The following ATXN7 variants were observed in gnomAD, a reference collection of about 807,000 sequenced individuals.
The protein encoded by ATXN7 is ataxin 7, also known as ataxin-7.
In ATXN7, 12 loss-of-function variants were observed where a neutral mutation model predicts 70.5. The observed-to-expected ratio is 0.17, with a 90% confidence interval of 0.11 to 0.28. ATXN7 has a LOEUF of 0.28. ATXN7 is among the 10% of genes least tolerant of loss of function. ATXN7 has a pLI of 1.00. For missense variants in ATXN7, 1,256 were observed against 1,131.7 expected (o/e 1.11, Z -1.58); for synonymous variants, 498 against 448.7 (o/e 1.11, Z -1.39).
intron 1 of ATXN7, among the ~76,000 whole-genome samples, chr3:63,875,667 T>A (rs962109169): frequency 6.6e-6 from 1 of 152,234 alleles, no homozygotes; most frequent in African/African-American, 2.4e-5. Context: ...CTTTGTGATG[T>A]AGTCACTCGT....
chr3:63,981,019 T>C (rs2075477316), intron 6 of ATXN7, among the ~76,000 whole-genome samples: 1 of 152,198 alleles, frequency 6.6e-6, no homozygotes, highest in African/African-American at 2.4e-5. Context: ...CGCCTTGTCA[T>C]GGCATCCCTC....
At chr3:63,946,486 A>G (rs1420847346) in intron 4 of ATXN7, among the ~76,000 whole-genome samples, 1 of 151,994 alleles carries the variant, frequency 6.6e-6, no homozygotes, top group African/African-American at 2.4e-5. Context: ...AAAAATACAA[A>G]AAGAAAATTA....
intron 5 of ATXN7, among the ~76,000 whole-genome samples, chr3:63,977,436 T>C (rs538003950): frequency 2.0e-5 from 3 of 152,340 alleles, no homozygotes; most frequent in African/African-American, 7.2e-5. Flanking sequence ...GTCAGAGTTC[T>C]AGTTGAGGGT....
chr3:63,998,665 T>G (rs1476190491), intron 12 of ATXN7: 9 of 985,288 alleles, frequency 9.1e-6, no homozygotes, highest in Non-Finnish European at 1.1e-5. Flanking sequence ...GGGTGCTTGC[T>G]TAGAGATCAA....
chr3:63,891,322 C>T (rs1050748037), intron 1 of ATXN7, among the ~76,000 whole-genome samples: 3 of 140,878 alleles, frequency 2.1e-5, no homozygotes, highest in Non-Finnish European at 3.1e-5. Context: ...GGCCCCAGCA[C>T]TTTTTTTTTT....
chr3:63,988,963 G>A (rs2075621707), intron 9 of ATXN7, among the ~76,000 whole-genome samples: 1 of 152,160 alleles, frequency 6.6e-6, no homozygotes, highest in South Asian at 2.1e-4. Context: ...AAAGAGAAAG[G>A]CATAGAGAAA....
chr3:63,884,471 AAT>A (rs1703020886), intron 1 of ATXN7, among the ~76,000 whole-genome samples: 1 of 152,138 alleles, frequency 6.6e-6, no homozygotes, highest in South Asian at 2.1e-4. Context: ...ATAAACAAAT[AAT>A]ATGTGATATA....
chr3:63,932,985 G>A (rs2074584883), intron 4 of ATXN7, among the ~76,000 whole-genome samples: 1 of 152,164 alleles, frequency 6.6e-6, no homozygotes, highest in East Asian at 1.9e-4. Flanking sequence ...CAGACTCTTG[G>A]CAGTGTTGCT....
intron 4 of ATXN7, among the ~76,000 whole-genome samples, chr3:63,926,523 G>C (rs769643442): frequency 6.6e-6 from 1 of 152,156 alleles, no homozygotes; most frequent in Non-Finnish European, 1.5e-5. Context: ...AGAGGCCAGT[G>C]TGGAGAGAAT....
intron 1 of ATXN7, 72 bp from the exon 2 acceptor site, chr3:63,898,327 T>C (rs1034501281): frequency 6.6e-6 from 1 of 151,996 alleles, no homozygotes; most frequent in African/African-American, 2.4e-5. Context: ...TGGCAACCAA[T>C]GAGATTGTAT....
chr3:63,921,076 CAGA>C (rs1280906772), intron 4 of ATXN7, among the ~76,000 whole-genome samples: 6 of 152,276 alleles, frequency 3.9e-5, no homozygotes, highest in African/African-American at 1.2e-4. Context: ...AATAAATGAG[CAGA>C]AGAAGGAGAA....
Position 63,932,309 on chromosome 3 carries a change from G to C in ATXN7, c.394+19084G>C, listed in dbSNP as rs74527736. Among the ~76,000 whole-genome samples, 595 of 152,286 alleles carry C rather than the reference G, an allele frequency of 3.9e-3. 6 individuals carry two copies. The highest frequency in any genetic ancestry group is 0.013 in the African/African-American group (550 of 41,576). ...GTATTTTGGCTGCATTAAAAGTTAA[G>C]AGTCAGAAGTAGGCCAGGCTGAGAA... On this transcript the variant is annotated intron_variant, in intron 4 of 12. Transcript: ENST00000674280.
At chr3:63,974,792 T>G (rs548415141) in intron 5 of ATXN7, among the ~76,000 whole-genome samples, 1 of 152,170 alleles carries the variant, frequency 6.6e-6, no homozygotes, top group Non-Finnish European at 1.5e-5. Context: ...TATAAAAGAT[T>G]AGTAAAATGT....
Position 64,001,710 on chromosome 3 carries a change from A to G in ATXN7, c.*2243A>G, listed in dbSNP as rs187544052. 6.6e-6 allele frequency: 1 copy of G among 152,338 alleles called. No individual in the cohort carries two copies. Among genetic ancestry groups the G allele is most frequent in the East Asian group, 1.9e-4 (1 of 5,192 alleles). 9.4% of individuals were successfully genotyped at this position (152,338 alleles called of 1,614,324 possible). On this transcript the variant is annotated 3_prime_UTR_variant, in exon 13 of 13. Transcript: ENST00000674280. ...GAGCATCGGGATTAGGAAATTAGCCATTTTGGATTCTGTCTGCCACAAACA... is the reference window on the plus strand; with the variant it reads ...GAGCATCGGGATTAGGAAATTAGCCGTTTTGGATTCTGTCTGCCACAAACA...
intron 4 of ATXN7, among the ~76,000 whole-genome samples, chr3:63,917,497 A>G (rs1002039472): frequency 2.0e-5 from 3 of 152,234 alleles, no homozygotes; most frequent in Non-Finnish European, 4.4e-5. Context: ...AGCAGATTTT[A>G]AAACCTATAT....
At chr3:63,892,442 C>G (rs1217142623) in intron 1 of ATXN7, among the ~76,000 whole-genome samples, 1 of 146,068 alleles carries the variant, frequency 6.8e-6, no homozygotes, top group African/African-American at 2.6e-5. Flanking sequence ...GAGTACTGGA[C>G]TTTAATTTGC....
Position 63,993,431 on chromosome 3 carries a change from G to A in ATXN7, c.1683-2074G>A, listed in dbSNP as rs137994251. ...CGCCACTGCACTCCAGCCTGGGGGT[G>A]ACAGAGCGAGACTCCGTCTCAAAAA... On this transcript the variant is annotated intron_variant, in intron 11 of 12. Transcript: ENST00000674280. 7.2e-3 allele frequency among the ~76,000 whole-genome samples: 1,080 copies of A among 150,102 alleles called. 17 individuals carry two copies. Among genetic ancestry groups the A allele is most frequent in the African/African-American group, 0.023 (939 of 40,858 alleles).
chr3:63,950,890 A>G (rs188889829), intron 4 of ATXN7, among the ~76,000 whole-genome samples: 1 of 152,134 alleles, frequency 6.6e-6, no homozygotes, highest in African/African-American at 2.4e-5. Flanking sequence ...TGACATTCCA[A>G]TTTATTGACA....
rs1198301649 is a variant in ATXN7 at position 63,990,831 on chromosome 3, G to C, written c.1654G>C (p.Glu552Gln). Residue 552 changes from glutamate (E) to glutamine (Q), a missense_variant, in exon 11 of 13, where the codon GAG becomes CAG. Glu to Gln is a conservative substitution (Grantham distance 29, BLOSUM62 2). Coordinates refer to ENST00000674280, the MANE Select transcript of ATXN7 (RefSeq NM_001377405.1). The part of the protein sequence containing the change: ...RLRCALNLMV[E>Q]KHLNAQLWKK... Reference sequence around the variant, plus strand: ...TCGCTGCGCCCTCAACCTCATGGTGGAGAAGCATCTGAATGCACAGCTATG... The same window carrying C: ...TCGCTGCGCCCTCAACCTCATGGTGCAGAAGCATCTGAATGCACAGCTATG... The C allele has an allele frequency of 1.2e-6, 2 of 1,614,124 alleles. No individual in the cohort carries two copies. Among genetic ancestry groups the C allele is most frequent in the African/African-American group, 2.7e-5 (2 of 74,942 alleles).
Sources: gnomAD v4.1 joint callset for allele counts (sites outside exome capture counted in the v4.1 genomes callset) on GRCh38, gnomAD v4.1.1 for gene constraint, MANE v1.5 for transcripts, NCBI Gene and HGNC (gene_info 2026-07-23, HGNC 2026-07-21) for gene names.